PCF11: variants seen among roughly 807,000 people sequenced by gnomAD.
PCF11 encodes PCF11 cleavage and polyadenylation factor subunit, also known as pre-mRNA cleavage complex 2 protein Pcf11.
PCF11 carries 19 observed loss-of-function variants against 166.1 expected under a neutral mutation model. That is an observed-to-expected ratio of 0.11 (90% CI 0.08 to 0.17). The LOEUF (loss-of-function observed/expected upper bound fraction) is 0.17. Among genes scored for constraint, PCF11 ranks in the 10% least tolerant of loss-of-function variants. The probability of loss-of-function intolerance (pLI) is 1.00; values close to 1 mark genes in which losing one functional copy is unlikely to be tolerated. For missense variants in PCF11, 1,565 were observed against 1,855.5 expected (o/e 0.84, Z 2.88); for synonymous variants, 663 against 644.1 (o/e 1.03, Z -0.44).
At chr11:83,158,488 TA>T (rs913839197) in intron 1 of PCF11, 3 of 152,240 alleles carry the variant, frequency 2.0e-5, no homozygotes, top group African/African-American at 7.2e-5. Context: ...TGTTTTTCTT[TA>T]CCCCTTGACA....
rs180903593 is a variant in PCF11, at chr11:83,166,024, A to C, written c.1127A>C (p.Asn376Thr). ...TCGAAATCACCCTCACCTTTGAAAA[A>C]CAAATTATCTCACACAAAAGACTTG... Residue 376 changes from asparagine (N) to threonine (T), a missense_variant, in exon 5 of 16, where the codon AAC becomes ACC. Transcript: ENST00000298281. 1.1e-3 allele frequency: 1,820 copies of C among 1,601,828 alleles called. 3 individuals carry two copies. The highest frequency in any genetic ancestry group is 1.4e-3 in the Non-Finnish European group (1,690 of 1,176,840).
chr11:83,160,321 G>T (rs922115337), intron 1 of PCF11, among the ~76,000 whole-genome samples: 113 of 91,274 alleles, frequency 1.2e-3, no homozygotes, highest in South Asian at 7.1e-3. Flanking sequence ...GATAACCTAA[G>T]TTTTTTTTTT....
intron 14 of PCF11, 87 bp downstream of exon 14, chr11:83,182,578 ATAGT>A (rs981637038): frequency 4.4e-6 from 3 of 688,738 alleles, no homozygotes. Context: ...GCGGTTCATA[ATAGT>A]TTTTGTTTGA....
At chr11:83,159,818 CACTT>C (rs1565149549) in intron 1 of PCF11, among the ~76,000 whole-genome samples, 1 of 152,282 alleles carries the variant, frequency 6.6e-6, no homozygotes, top group East Asian at 1.9e-4. Flanking sequence ...AAAGGATTCA[CACTT>C]AATTTGACTC....
Position 83,167,244 on chromosome 11 carries a change from T to C in PCF11, c.1937T>C (p.Val646Ala). 2 of 1,613,796 alleles carry C rather than the reference T, an allele frequency of 1.2e-6. No homozygotes were observed. Among genetic ancestry groups the C allele is most frequent in the Middle Eastern group, 1.6e-4 (1 of 6,062 alleles). ...AAGCAGCAACAGCATCGATTAAGTG[T>C]AGATGCCAATCTTCAGATTCCTAAA... is the stretch of plus-strand genomic sequence containing the variant. The change falls in exon 6 of 16, where the codon GTA (valine) becomes GCA (alanine). Residue 646 changes from valine (V) to alanine (A), a missense_variant. Coordinates refer to ENST00000298281, the Ensembl canonical transcript of PCF11. The surrounding 1 kb of genome is among the most constrained non-coding windows in gnomAD (Gnocchi z 4.2).
At position 83,160,321 on chromosome 11, in the gene PCF11, GTTT is replaced by G. The variant is rs35201107; in HGVS notation, c.193-986_193-984del. Among the ~76,000 whole-genome samples the G allele has an allele frequency of 7.9e-4, 72 of 91,282 alleles. No homozygotes were observed. In the South Asian group the frequency reaches 0.012, roughly 15 times the overall value. 59.9% of individuals were successfully genotyped at this position (91,282 alleles called of 152,430 possible). A position where few individuals can be genotyped will look rare whatever the true frequency, so the allele number is the denominator to read the frequency against. Reference sequence around the variant, plus strand: ...GGGTGGGTAAATGGGGATAACCTAAGTTTTTTTTTTTTTTTTTTTTTTGTCTTT... The same window carrying G: ...GGGTGGGTAAATGGGGATAACCTAAGTTTTTTTTTTTTTTTTTTTGTCTTT... On this transcript the variant is annotated intron_variant, in intron 1 of 15. Coordinates refer to ENST00000298281, the Ensembl canonical transcript of PCF11.
rs2135424942 is a variant in PCF11, at chr11:83,167,153, C to T, written c.1846C>T (p.Pro616Ser). 1.2e-6 allele frequency: 2 copies of T among 1,613,130 alleles called. No individual in the cohort carries two copies. Among genetic ancestry groups the T allele is most frequent in the Non-Finnish European group, 1.7e-6 (2 of 1,179,364 alleles). Residue 616 changes from proline (P) to serine (S), a missense_variant, in exon 6 of 16, where the codon CCT becomes TCT. By Grantham distance (74) the Pro-to-Ser change is moderately conservative (BLOSUM62 -1). Transcript: ENST00000298281. This position sits in a 1 kb window ranked among gnomAD's most constrained non-coding sequence, Gnocchi z 4.2. ...ACAACAGGTTGATGAACATAGTAAA[C>T]CTCCTCATCTGAGGCATAGGGAGAG...
In PCF11 at chr11:83,162,317, A is replaced by AT. The variant is rs895306357; in HGVS notation, c.318+873dup. Reference sequence around the variant, plus strand: ...CAGTTGTCAGATTTGTAGAATTGGAATTTTTTTTGGAAGAACTATTCAGTA... The same window carrying AT: ...CAGTTGTCAGATTTGTAGAATTGGAATTTTTTTTTGGAAGAACTATTCAGTA... On this transcript the variant is annotated intron_variant, in intron 2 of 15. Coordinates refer to ENST00000298281, the Ensembl canonical transcript of PCF11. Among the ~76,000 whole-genome samples, 8 of 152,052 alleles carry AT rather than the reference A, an allele frequency of 5.3e-5. No homozygotes were observed. The East Asian group carries it at 5.8e-4, about 11-fold the overall frequency.
chr11:83,171,374 T>G, intron 8 of PCF11: 2 of 431,432 alleles, frequency 4.6e-6, no homozygotes, highest in South Asian at 1.7e-5. Context: ...CTGGCCTCAG[T>G]TTTGCTCCTA....
intron 11 of PCF11, among the ~76,000 whole-genome samples, chr11:83,178,500 A>C (rs1057211727): frequency 3.9e-5 from 6 of 152,000 alleles, no homozygotes; most frequent in African/African-American, 1.5e-4. Flanking sequence ...AGCATTTACA[A>C]TTAAAAAAAA....
intron 4 of PCF11, among the ~76,000 whole-genome samples, chr11:83,165,121 C>T (rs1246964914): frequency 1.3e-5 from 2 of 152,140 alleles, no homozygotes; most frequent in Admixed American, 1.3e-4. Context: ...ACATAAATGA[C>T]TTTATACTAA....
chr11:83,180,965 A>G (rs746402622), intron 11 of PCF11, 43 bp from the exon 12 acceptor site: 1 of 1,145,092 alleles, frequency 8.7e-7, no homozygotes, highest in Non-Finnish European at 1.2e-6. Flanking sequence ...AAGGCCATTA[A>G]GCCATATTAT....
exon 8 of PCF11, chr11:83,169,618 G>A (rs1192217026): frequency 1.2e-6 from 2 of 1,613,960 alleles, no homozygotes; most frequent in Non-Finnish European, 1.7e-6. Context: ...TCAAAGATTT[G>A]ATGGTCCACA....
chr11:83,163,312 C>G (rs765353658), intron 2 of PCF11, among the ~76,000 whole-genome samples: 30 of 152,060 alleles, frequency 2.0e-4, no homozygotes, highest in Non-Finnish European at 3.8e-4. Flanking sequence ...TTTAAGCCAT[C>G]AGGTAATCAA....
intron 15 of PCF11, chr11:83,184,151 C>CA (rs34996416): frequency 0.11 from 8,447 of 76,988 alleles, 1,103 homozygotes; most frequent in African/African-American, 0.31. Context: ...AGCTCTGTCT[C>CA]AAAAAAAAAA....
chr11:83,173,719 CTTTTTTTTTTTTTTTTT>C (rs869126679), intron 9 of PCF11, among the ~76,000 whole-genome samples: 3 of 59,070 alleles, frequency 5.1e-5, no homozygotes, highest in South Asian at 7.8e-4. Context: ...TTCTTTCTTT[CTTTTTTTTTTTTTTTTT>C]TTTTTTTTTT....
exon 5 of PCF11, chr11:83,166,647 A>G (rs1415509491): frequency 1.9e-6 from 3 of 1,608,056 alleles, no homozygotes; most frequent in Admixed American, 1.7e-5. Flanking sequence ...ACCAAAGGAG[A>G]ATGTAGAAAA....
Sources: allele counts gnomAD v4.1 joint callset (sites outside exome capture counted in the v4.1 genomes callset), GRCh38; gene constraint gnomAD v4.1.1; non-coding constraint Gnocchi (gnomAD v3.1); transcripts MANE v1.5; gene names NCBI Gene and HGNC (gene_info 2026-07-23, HGNC 2026-07-21).